Variants in PCDHA1 observed in about 807,000 individuals in gnomAD.
PCDHA1 encodes the protein protocadherin alpha-1.
Under a neutral mutation model 61.3 loss-of-function variants are expected in PCDHA1, and 42 were observed. The ratio of observed to expected loss-of-function variants is 0.69; its 90% CI spans 0.54 to 0.89. The LOEUF is 0.89. PCDHA1 is among the 40% of genes least tolerant of loss of function. The pLI is 0.00. For missense variants in PCDHA1, 1,256 were observed against 1,235.3 expected, an observed-to-expected ratio of 1.02 and a Z score of -0.25; for synonymous variants, 610 against 553.8, an observed-to-expected ratio of 1.10 and a Z score of -1.43.
chr5:140,806,458 C>T (rs1485467672), intron 1 of PCDHA1, among the ~76,000 whole-genome samples: 2 of 152,178 alleles, frequency 1.3e-5, no homozygotes, highest in African/African-American at 2.4e-5. Context: ...TTTGCTATAA[C>T]TTCCTGCTTC....
chr5:140,803,360 G>A (rs1554122754), intron 1 of PCDHA1: 1 of 1,614,186 alleles, frequency 6.2e-7, no homozygotes, highest in Non-Finnish European at 8.5e-7. Flanking sequence ...ATACTGCTCT[G>A]CGGTGCTCCG....
chr5:140,971,040 A>G (rs1554232989), intron 1 of PCDHA1, among the ~76,000 whole-genome samples: 2 of 152,194 alleles, frequency 1.3e-5, no homozygotes, highest in Non-Finnish European at 2.9e-5. Flanking sequence ...AAGCACGTAA[A>G]AGGGTTTAGC....
chr5:140,831,586 C>T (rs1771633108), intron 1 of PCDHA1, among the ~76,000 whole-genome samples: 1 of 142,296 alleles, frequency 7.0e-6, no homozygotes, highest in South Asian at 2.4e-4. Flanking sequence ...TGGTCTCAAA[C>T]TACTGGGTGC....
At chr5:140,803,134 G>C (rs782496418) in intron 1 of PCDHA1, 1 of 1,613,684 alleles carries the variant, frequency 6.2e-7, no homozygotes, top group Non-Finnish European at 8.5e-7. Flanking sequence ...CCGCGCCATC[G>C]CCTACTGGTG....
At chr5:140,883,471 C>G (rs781812025) in intron 1 of PCDHA1, 4 of 1,614,182 alleles carry the variant, frequency 2.5e-6, no homozygotes, top group Non-Finnish European at 3.4e-6. Flanking sequence ...TGTCCACCTA[C>G]AAGAACTACT....
chr5:140,873,025 C>T (rs1206957639), intron 1 of PCDHA1, among the ~76,000 whole-genome samples: 1 of 152,148 alleles, frequency 6.6e-6, no homozygotes, highest in African/African-American at 2.4e-5. Context: ...GTTATTCTTA[C>T]TACACGTAGA....
At chr5:140,801,203 G>A in intron 1 of PCDHA1, 2 of 1,599,228 alleles carry the variant, frequency 1.3e-6, no homozygotes, top group Non-Finnish European at 1.7e-6. Flanking sequence ...TTGCAATGTT[G>A]TTCTCCTGGC....
chr5:140,794,812 A>C (rs11947997), intron 1 of PCDHA1: 190 of 798,398 alleles, frequency 2.4e-4, no homozygotes, highest in African/African-American at 2.4e-3. Context: ...TCCACCATAG[A>C]GTGTTCTCTA....
intron 1 of PCDHA1, among the ~76,000 whole-genome samples, chr5:140,939,959 G>A (rs1272327380): frequency 6.6e-6 from 1 of 152,150 alleles, no homozygotes; most frequent in Non-Finnish European, 1.5e-5. Flanking sequence ...TTATGTTAAA[G>A]TGTTCCACGA....
rs557901977 is a variant in PCDHA1 at position 140,876,312 on chromosome 5, G to A, written c.2394+87628G>A. 4.3e-6 allele frequency: 7 copies of A among 1,614,036 alleles called. No individual in the cohort carries two copies. In the East Asian group the frequency reaches 1.6e-4, roughly 36 times the overall value. On this transcript the variant is annotated intron_variant, in intron 1 of 3. Coordinates refer to ENST00000504120, the MANE Select transcript of PCDHA1 (RefSeq NM_018900.4). ...GACTTAATGGAGAAATTTCCTATGG[G>A]ATCAAAATGATTTTGCCAGTGAGTG...
At chr5:140,967,351 G>C in intron 1 of PCDHA1, 1 of 1,608,106 alleles carries the variant, frequency 6.2e-7, no homozygotes, top group South Asian at 1.1e-5. Context: ...ACTTCGAGCT[G>C]GACCTTAAGC....
chr5:140,880,417 G>A (rs1202890717), intron 1 of PCDHA1, among the ~76,000 whole-genome samples: 15 of 152,250 alleles, frequency 9.9e-5, no homozygotes, highest in South Asian at 2.1e-4. Context: ...CCTTAAAAGC[G>A]GGAACAGTTT....
rs114742019 is a variant in PCDHA1, at chr5:140,911,730, G to A, written c.2395-67219G>A. Among the ~76,000 whole-genome samples the A allele has an allele frequency of 8.1e-3, 1,236 of 152,190 alleles. 6 individuals carry two copies. The highest frequency in any genetic ancestry group is 0.019 in the African/African-American group (801 of 41,524). ...TTTTGTGTAACTCTGTAAACAGTTC[G>A]TGCCAAGGACTATCAGTGTTCTCCA... is the stretch of plus-strand genomic sequence containing the variant. On this transcript the variant is annotated intron_variant, in intron 1 of 3. Coordinates refer to ENST00000504120, the MANE Select transcript of PCDHA1 (RefSeq NM_018900.4).
At chr5:140,802,242 GAGTT>G (rs1554121969) in intron 1 of PCDHA1, 2 of 1,614,230 alleles carry the variant, frequency 1.2e-6, no homozygotes, top group Non-Finnish European at 1.7e-6. Flanking sequence ...TAATGTACCT[GAGTT>G]AGTTATTCAA....
At chr5:140,871,549 T>C (rs1554165727) in intron 1 of PCDHA1, 6 of 1,496,034 alleles carry the variant, frequency 4.0e-6, no homozygotes, top group Non-Finnish European at 5.4e-6. Flanking sequence ...TTATTTAAAA[T>C]CCAGTTTTTT....
intron 1 of PCDHA1, among the ~76,000 whole-genome samples, chr5:140,961,550 CT>C (rs571779587): frequency 6.6e-6 from 1 of 152,032 alleles, no homozygotes; most frequent in Admixed American, 6.6e-5. Context: ...TGCAGCATTT[CT>C]TTTTTTAAAT....
intron 1 of PCDHA1, chr5:140,858,307 G>T: frequency 6.3e-7 from 1 of 1,597,292 alleles, no homozygotes; most frequent in Non-Finnish European, 8.6e-7. Flanking sequence ...AGCAGAGGCG[G>T]CAGAGGGTGT....
intron 1 of PCDHA1, among the ~76,000 whole-genome samples, chr5:140,977,768 A>G (rs1264929933): frequency 1.3e-5 from 2 of 152,218 alleles, no homozygotes; most frequent in Non-Finnish European, 1.5e-5. Context: ...AATACTTTGC[A>G]TCCCTTAAAG....
Position 140,929,272 on chromosome 5 carries a change from T to G in PCDHA1, c.2395-49677T>G, listed in dbSNP as rs560527071. Reference sequence around the variant, plus strand: ...TGGGGTAGGACTGAATTTGCCAATATCCTGTATTCAGATTCGGAATAGGAA... The same window carrying G: ...TGGGGTAGGACTGAATTTGCCAATAGCCTGTATTCAGATTCGGAATAGGAA... On this transcript the variant is annotated intron_variant, in intron 1 of 3. Transcript: ENST00000504120. The G allele has an allele frequency of 1.3e-4, 206 of 1,607,152 alleles. 1 individual carries two copies. The South Asian group carries it at 2.1e-3, about 17-fold the overall frequency.
Sources: allele counts gnomAD v4.1 joint callset (sites outside exome capture counted in the v4.1 genomes callset), GRCh38; gene constraint gnomAD v4.1.1; transcripts MANE v1.5; gene names NCBI Gene and HGNC (gene_info 2026-07-23, HGNC 2026-07-21).